Variants in TOX2 observed in about 807,000 individuals in gnomAD.
TOX2 encodes the protein TOX high mobility group box family member 2.
A neutral mutation model predicts 47.4 loss-of-function variants in TOX2; 15 were observed. That is an observed-to-expected ratio of 0.32 (90% CI 0.21 to 0.49). TOX2 has a LOEUF of 0.49. Ranked by LOEUF, TOX2 falls within the 20% of genes least tolerant of loss-of-function variation. The pLI is 0.99. For missense variants in TOX2, 622 were observed against 673.1 expected (o/e 0.92, Z 0.84); for synonymous variants, 290 against 296.6 (o/e 0.98, Z 0.23).
At chr20:43,999,646 A>G (rs2145578875) in intron 2 of TOX2, among the ~76,000 whole-genome samples, 1 of 152,386 alleles carries the variant, frequency 6.6e-6, no homozygotes, top group South Asian at 2.1e-4. Context: ...TAAGATGGCA[A>G]TACTATCTGA....
intron 2 of TOX2, among the ~76,000 whole-genome samples, chr20:43,975,989 C>T (rs2070071513): frequency 6.6e-6 from 1 of 152,226 alleles, no homozygotes; most frequent in Non-Finnish European, 1.5e-5. Flanking sequence ...ATCTTTTATG[C>T]TGTGACCCAG....
chr20:44,055,176 A>C (rs1016707946), intron 5 of TOX2, among the ~76,000 whole-genome samples: 2 of 152,226 alleles, frequency 1.3e-5, no homozygotes, highest in Non-Finnish European at 2.9e-5. Context: ...ACCAGCGTGA[A>C]TCAAGGTAGA....
chr20:43,995,581 C>T (rs998393025), intron 2 of TOX2, among the ~76,000 whole-genome samples: 3 of 152,060 alleles, frequency 2.0e-5, no homozygotes, highest in African/African-American at 7.2e-5. Context: ...AAGCTTGTGT[C>T]GTGGGGATTT....
intron 2 of TOX2, among the ~76,000 whole-genome samples, chr20:43,998,767 C>T (rs201153569): frequency 3.1e-5 from 4 of 127,388 alleles, no homozygotes; most frequent in Admixed American, 8.1e-5. Flanking sequence ...ATCTATCTAT[C>T]TATTTATTTT....
At chr20:43,946,657 C>T (rs1428681476) in intron 1 of TOX2, among the ~76,000 whole-genome samples, 3 of 152,152 alleles carry the variant, frequency 2.0e-5, no homozygotes, top group African/African-American at 4.8e-5. Flanking sequence ...AGCATACTTT[C>T]GTAGAAGAAA....
chr20:44,045,136 T>C (rs1210793671), intron 3 of TOX2, among the ~76,000 whole-genome samples: 2 of 152,118 alleles, frequency 1.3e-5, no homozygotes, highest in East Asian at 1.9e-4. Context: ...TCTTATTTAC[T>C]AGGGATGGAG....
Position 44,054,336 on chromosome 20 carries a change from A to G in TOX2, c.689A>G (p.Lys230Arg), listed in dbSNP as rs1369476511. The G allele has an allele frequency of 6.2e-7, 1 of 1,612,954 alleles. No individual in the cohort carries two copies. Among genetic ancestry groups the G allele is most frequent in the East Asian group, 2.2e-5 (1 of 44,874 alleles). The change falls in exon 5 of 9, where the codon AAA becomes AGA. Residue 230 changes from lysine (K) to arginine (R), a missense_variant. Coordinates refer to ENST00000341197, the MANE Select transcript of TOX2 (RefSeq NM_001098797.2). ...GEKRPSADPG[K>R]KAKNPKKKKK... Reference sequence around the variant, plus strand: ...AAGAGACCTTCAGCCGACCCAGGAAAAAAGGCCAAGAACCCGAAGAAGAAG... The same window carrying G: ...AAGAGACCTTCAGCCGACCCAGGAAGAAAGGCCAAGAACCCGAAGAAGAAG...
In TOX2 at chr20:43,916,116, C is replaced by A; in HGVS notation, c.99+1126C>A. 24 of 985,474 alleles carry A rather than the reference C, an allele frequency of 2.4e-5. No homozygotes were observed. The highest frequency in any genetic ancestry group is 2.8e-5 in the Non-Finnish European group (23 of 829,918). 61.0% of individuals were successfully genotyped at this position (985,474 alleles called of 1,614,324 possible). ...CGGTCCCGGGCCGGCTGGAGCCAAG[C>A]GCGGGTTTTCGTCACTCGGAGCCCG... is the stretch of plus-strand genomic sequence containing the variant. On this transcript the variant is annotated intron_variant, in intron 1 of 8. Coordinates refer to ENST00000341197, the MANE Select transcript of TOX2 (RefSeq NM_001098797.2). The surrounding 1 kb of genome is among the most constrained non-coding windows in gnomAD (Gnocchi z 5.0).
intron 1 of TOX2, among the ~76,000 whole-genome samples, chr20:43,945,242 G>A (rs2069449507): frequency 6.6e-6 from 1 of 152,152 alleles, no homozygotes; most frequent in South Asian, 2.1e-4. Context: ...ATCTTTTATA[G>A]TGCATGTTCA....
chr20:43,993,801 T>C (rs1465438434), intron 2 of TOX2, among the ~76,000 whole-genome samples: 1 of 152,150 alleles, frequency 6.6e-6, no homozygotes. Flanking sequence ...TGGGCTTTTG[T>C]GTAGGACATC....
At chr20:44,029,767 G>T (rs911510095) in intron 3 of TOX2, among the ~76,000 whole-genome samples, 5 of 152,118 alleles carry the variant, frequency 3.3e-5, no homozygotes, top group African/African-American at 1.2e-4. Context: ...CGTGGTCCCA[G>T]CAGAGCTTCC....
chr20:44,062,795 A>G (rs1225470804), intron 5 of TOX2, among the ~76,000 whole-genome samples: 1 of 152,062 alleles, frequency 6.6e-6, no homozygotes, highest in Non-Finnish European at 1.5e-5. Context: ...AAATAGGCAT[A>G]TAGACCATGG....
chr20:44,038,592 T>A (rs1379444962), intron 3 of TOX2, among the ~76,000 whole-genome samples: 1 of 151,764 alleles, frequency 6.6e-6, no homozygotes, highest in Non-Finnish European at 1.5e-5. Flanking sequence ...GGGAAAAAAA[T>A]TCCACCTTTC....
At chr20:43,992,863 A>AAAG (rs1555837095) in intron 2 of TOX2, among the ~76,000 whole-genome samples, 20 of 150,008 alleles carry the variant, frequency 1.3e-4, no homozygotes, top group South Asian at 2.1e-4. Context: ...AAAAAAAAAA[A>AAAG]AAAGAAAAAA....
intron 3 of TOX2, among the ~76,000 whole-genome samples, chr20:44,028,288 T>G (rs1412116967): frequency 6.7e-6 from 1 of 149,598 alleles, no homozygotes; most frequent in East Asian, 2.0e-4. Flanking sequence ...GAGGGGGTGC[T>G]GTGGCTGGGC....
intron 1 of TOX2, among the ~76,000 whole-genome samples, chr20:43,962,645 C>A (rs749873475): frequency 3.3e-5 from 5 of 152,188 alleles, no homozygotes; most frequent in Admixed American, 6.5e-5. Flanking sequence ...CAGACTCTTG[C>A]CTTCAACAGG....
intron 1 of TOX2, among the ~76,000 whole-genome samples, chr20:43,937,136 G>A (rs969164663): frequency 2.0e-5 from 3 of 152,236 alleles, no homozygotes; most frequent in Non-Finnish European, 4.4e-5. Context: ...ACTGTGGGAA[G>A]ACTAGGAGTT....
At chr20:43,962,485 C>T (rs554733777) in intron 1 of TOX2, among the ~76,000 whole-genome samples, 2 of 152,366 alleles carry the variant, frequency 1.3e-5, no homozygotes, top group South Asian at 2.1e-4. Context: ...GTCATCACCA[C>T]GTTCACCCCC....
intron 3 of TOX2, among the ~76,000 whole-genome samples, chr20:44,044,277 T>TG (rs1191482930): frequency 2.0e-5 from 3 of 151,348 alleles, no homozygotes; most frequent in Non-Finnish European, 4.4e-5. Flanking sequence ...GGGCCTGTTG[T>TG]GGGGGGCGGT....
Sources: allele counts gnomAD v4.1 joint callset (sites outside exome capture counted in the v4.1 genomes callset), GRCh38; gene constraint gnomAD v4.1.1; non-coding constraint Gnocchi (gnomAD v3.1); transcripts MANE v1.5; gene names NCBI Gene and HGNC (gene_info 2026-07-23, HGNC 2026-07-21).